The following SYT14 variants were observed in gnomAD, a reference collection of about 807,000 sequenced individuals.
SYT14 encodes synaptotagmin-14.
A neutral mutation model predicts 74.2 loss-of-function variants in SYT14; 32 were observed. The ratio of observed to expected loss-of-function variants is 0.43; its 90% CI spans 0.33 to 0.58. SYT14 has a LOEUF of 0.58. Among genes scored for constraint, SYT14 ranks in the 20% least tolerant of loss-of-function variants. SYT14 has a pLI of 0.05. For synonymous variants in SYT14, 298 were observed against 337.7 expected (o/e 0.88, Z 1.29); for missense variants, 791 against 981.8 (o/e 0.81, Z 2.60).
chr1:210,039,860 C>G (rs1171417370), intron 5 of SYT14, among the ~76,000 whole-genome samples: 5 of 152,040 alleles, frequency 3.3e-5, no homozygotes, highest in African/African-American at 1.2e-4. Context: ...GAATGGTGAT[C>G]ATTGAAAAGT....
At chr1:209,960,739 G>C (rs1250952541) in intron 2 of SYT14, among the ~76,000 whole-genome samples, 1 of 152,154 alleles carries the variant, frequency 6.6e-6, no homozygotes. Context: ...GCAAAGGCTT[G>C]TATGATTGTT....
intron 7 of SYT14, among the ~76,000 whole-genome samples, chr1:210,155,246 G>A (rs989954649): frequency 2.0e-5 from 3 of 152,036 alleles, no homozygotes; most frequent in African/African-American, 7.2e-5. Context: ...TTTTTTACAT[G>A]ATTAATTTTT....
intron 7 of SYT14, among the ~76,000 whole-genome samples, chr1:210,133,653 C>T (rs1642216649): frequency 6.6e-6 from 1 of 152,210 alleles, no homozygotes; most frequent in African/African-American, 2.4e-5. Context: ...ACAGAAAGAT[C>T]AAAACCTCTG....
intron 2 of SYT14, among the ~76,000 whole-genome samples, chr1:209,975,025 G>A (rs544814302): frequency 6.6e-6 from 1 of 152,262 alleles, no homozygotes; most frequent in East Asian, 1.9e-4. Flanking sequence ...TCTGTTATTG[G>A]TGTATAAGAA....
At chr1:210,096,955 A>T (rs759811244) in intron 6 of SYT14, among the ~76,000 whole-genome samples, 1 of 152,156 alleles carries the variant, frequency 6.6e-6, no homozygotes, top group South Asian at 2.1e-4. Context: ...TTTACTCACT[A>T]TCTATAGTTA....
chr1:209,959,211 C>T (rs557344871), intron 2 of SYT14, among the ~76,000 whole-genome samples: 141 of 152,228 alleles, frequency 9.3e-4, no homozygotes, highest in African/African-American at 3.2e-3. Context: ...GGCGTGATCT[C>T]AGCTCACTAC....
chr1:209,948,129 T>C (rs534520300), intron 1 of SYT14, among the ~76,000 whole-genome samples: 1 of 152,358 alleles, frequency 6.6e-6, no homozygotes, highest in South Asian at 2.1e-4. Context: ...ATATACACTT[T>C]ATTGCAGTGG....
chr1:210,065,198 T>C (rs1484061139), intron 5 of SYT14, among the ~76,000 whole-genome samples: 6 of 152,078 alleles, frequency 3.9e-5, no homozygotes, highest in African/African-American at 1.4e-4. Flanking sequence ...CAAAAGTGCT[T>C]GCTATGGTTT....
At chr1:210,113,570 CG>C (rs1170885831) in intron 7 of SYT14, among the ~76,000 whole-genome samples, 7 of 150,688 alleles carry the variant, frequency 4.6e-5, no homozygotes, top group Non-Finnish European at 8.8e-5. Context: ...TGGTGTTGAG[CG>C]GGGTAAGGGT....
At chr1:210,091,900 C>G (rs1437225286) in intron 5 of SYT14, among the ~76,000 whole-genome samples, 1 of 152,024 alleles carries the variant, frequency 6.6e-6, no homozygotes, top group African/African-American at 2.4e-5. Flanking sequence ...ATCTGTGAGG[C>G]AATATGCTCA....
chr1:210,016,860 A>G (rs2080194399), exon 4 of SYT14: 1 of 1,231,842 alleles, frequency 8.1e-7, no homozygotes, highest in South Asian at 4.1e-5. Context: ...TCTTTAAAAG[A>G]TATTTTGACA....
exon 10 of SYT14, chr1:210,164,507 G>A (rs1236956786): frequency 1.3e-5 from 2 of 157,138 alleles, no homozygotes; most frequent in African/African-American, 4.8e-5. Flanking sequence ...GGAGAAAGAG[G>A]TAAAAGAATT....
At chr1:210,064,207 T>C (rs1460926364) in intron 5 of SYT14, among the ~76,000 whole-genome samples, 8 of 152,170 alleles carry the variant, frequency 5.3e-5, no homozygotes, top group Non-Finnish European at 1.0e-4. Context: ...TCAAAGTTCA[T>C]TCATGTTATG....
intron 7 of SYT14, among the ~76,000 whole-genome samples, chr1:210,102,748 C>T (rs554949968): frequency 8.5e-5 from 13 of 152,238 alleles, no homozygotes; most frequent in African/African-American, 2.9e-4. Context: ...GTAGTGCAAT[C>T]ATGGCTGATT....
At chr1:210,162,911 C>G (rs1257550311) in exon 10 of SYT14, 3 of 452,876 alleles carry the variant, frequency 6.6e-6, no homozygotes, top group Non-Finnish European at 1.3e-5. Context: ...TTTATTGTTA[C>G]ATCAATGAGC....
At chr1:210,086,970 C>G (rs1452493588) in intron 5 of SYT14, among the ~76,000 whole-genome samples, 2 of 152,118 alleles carry the variant, frequency 1.3e-5, no homozygotes, top group African/African-American at 4.8e-5. Context: ...ACATGTTCTC[C>G]CATCTCCCTG....
intron 2 of SYT14, among the ~76,000 whole-genome samples, chr1:209,957,500 C>T (rs376685165): frequency 6.6e-6 from 1 of 151,972 alleles, no homozygotes; most frequent in Non-Finnish European, 1.5e-5. Context: ...GATCTCGGCT[C>T]GCTGCAATCT....
intron 5 of SYT14, among the ~76,000 whole-genome samples, chr1:210,046,884 C>T (rs979291340): frequency 7.9e-5 from 12 of 152,076 alleles, no homozygotes; most frequent in Admixed American, 6.6e-4. Context: ...TACATTAATA[C>T]CTTTAATCTT....
chr1:210,141,881 T>C (rs1389403692), intron 7 of SYT14, among the ~76,000 whole-genome samples: 2 of 152,186 alleles, frequency 1.3e-5, no homozygotes, highest in Non-Finnish European at 2.9e-5. Flanking sequence ...GTGTGTAGAC[T>C]GCTAGATTTC....
Sources: gnomAD v4.1 joint callset for allele counts (sites outside exome capture counted in the v4.1 genomes callset) on GRCh38, gnomAD v4.1.1 for gene constraint, MANE v1.5 for transcripts, NCBI Gene and HGNC (gene_info 2026-07-23, HGNC 2026-07-21) for gene names.